Variants in EFR3A observed in about 807,000 individuals in gnomAD.
EFR3A encodes the protein EFR3 homolog A.
In EFR3A, 76 loss-of-function variants were observed where a neutral mutation model predicts 104.4. The observed-to-expected ratio is 0.73, with a 90% CI of 0.60 to 0.88. EFR3A has a LOEUF of 0.88. Among genes scored for constraint, EFR3A ranks in the 40% least tolerant of loss-of-function variants. The pLI is 0.00. For synonymous variants in EFR3A, 330 were observed against 330.0 expected, an observed-to-expected ratio of 1.00 and a Z score of 0.00; for missense variants, 985 against 1,012.5, an observed-to-expected ratio of 0.97 and a Z score of 0.37.
chr8:131,976,722 T>C (rs1765905617), intron 11 of EFR3A, among the ~76,000 whole-genome samples: 1 of 152,124 alleles, frequency 6.6e-6, no homozygotes, highest in Non-Finnish European at 1.5e-5. Context: ...ATCAACTATG[T>C]AGTAATTATT....
intron 21 of EFR3A, 108 bp downstream of exon 21, chr8:132,002,814 C>T (rs1018596115): frequency 2.3e-5 from 19 of 838,666 alleles, no homozygotes; most frequent in Non-Finnish European, 3.4e-5. Flanking sequence ...CAACGGAACA[C>T]AGGAAAATAT....
chr8:131,991,436 G>A (rs1238904114), intron 18 of EFR3A, among the ~76,000 whole-genome samples: 1 of 152,124 alleles, frequency 6.6e-6, no homozygotes, highest in Non-Finnish European at 1.5e-5. Context: ...GGTGGTAGAA[G>A]GATAGAGTTT....
chr8:131,948,678 C>G (rs1350077098), intron 4 of EFR3A, among the ~76,000 whole-genome samples: 1 of 152,028 alleles, frequency 6.6e-6, no homozygotes, highest in African/African-American at 2.4e-5. Context: ...CCCAGCAATG[C>G]CATTAGATTG....
At chr8:132,010,405 GAGATATATATATATATATATAT>G (rs1372610490) in intron 22 of EFR3A, among the ~76,000 whole-genome samples, 25 of 88,008 alleles carry the variant, frequency 2.8e-4, no homozygotes, top group East Asian at 9.5e-4. Flanking sequence ...AATCAAGTAT[GAGATATATATATATATATATAT>G]ATATATATAT....
In EFR3A at chr8:131,980,626, A is replaced by G. The variant is rs917800071; in HGVS notation, c.1575+1205A>G. 2.6e-5 allele frequency among the ~76,000 whole-genome samples: 4 copies of G among 152,220 alleles called. No individual in the cohort carries two copies. The South Asian group carries it at 8.3e-4, about 32-fold the overall frequency. On this transcript the variant is annotated intron_variant, in intron 14 of 22. Transcript: ENST00000254624. ...GAAAGTTTAAATCCAGCTAATTAACATATCCATTTTCTTGCTTACCTATCT... is the reference window on the plus strand; with the variant it reads ...GAAAGTTTAAATCCAGCTAATTAACGTATCCATTTTCTTGCTTACCTATCT...
chr8:131,963,034 A>G (rs1489221961), intron 8 of EFR3A, among the ~76,000 whole-genome samples: 1 of 152,258 alleles, frequency 6.6e-6, no homozygotes, highest in East Asian at 1.9e-4. Flanking sequence ...GAACAAAGAC[A>G]CAACATACCA....
At chr8:131,962,188 G>A (rs930845186) in intron 8 of EFR3A, among the ~76,000 whole-genome samples, 15 of 152,124 alleles carry the variant, frequency 9.9e-5, no homozygotes, top group African/African-American at 3.6e-4. Flanking sequence ...CATAATGACA[G>A]GATCAAATTC....
At chr8:131,980,680 C>T (rs1488068137) in intron 14 of EFR3A, among the ~76,000 whole-genome samples, 2 of 151,986 alleles carry the variant, frequency 1.3e-5, no homozygotes, top group African/African-American at 4.8e-5. Flanking sequence ...TTGAAATTTA[C>T]TCTCTTAGTT....
chr8:131,984,147 A>G lies in EFR3A; in HGVS notation c.1584A>G (p.Gln528=), dbSNP rs1279001550. The G allele has an allele frequency of 6.2e-7, 1 of 1,602,048 alleles. No individual in the cohort carries two copies. Residue 528 remains glutamine (Q), a synonymous_variant, in exon 15 of 23, where the codon CAA becomes CAG. Transcript: ENST00000254624. ...QDTSFMKKNG[Q]QLYRHIYLGC... is the part of the protein sequence containing the mutation. Reference sequence around the variant, plus strand: ...CTGTCTTTTCTCCTCAGAATGGGCAACAGCTGTATCGGCACATATATTTGG... The same window carrying G: ...CTGTCTTTTCTCCTCAGAATGGGCAGCAGCTGTATCGGCACATATATTTGG...
At position 132,003,285 on chromosome 8, in the gene EFR3A, G is replaced by C; in HGVS notation, c.2360G>C (p.Arg787Pro). ...RLAQILELTI[R>P]PPPSPSGTLT... ...GCCCAAATATTGGAACTCACCATAC[G>C]GTAAGGGTTTTGTTATCACAATAGC... Residue 787 changes from arginine (R) to proline (P), a missense_variant and splice_region_variant, in exon 22 of 23, where the codon CGT becomes CCT. Transcript: ENST00000254624. 6.2e-7 allele frequency: 1 copy of C among 1,611,192 alleles called. No individual in the cohort carries two copies. Among genetic ancestry groups the C allele is most frequent in the African/African-American group, 1.3e-5 (1 of 74,884 alleles).
At chr8:131,908,178 A>G (rs969150035) in intron 1 of EFR3A, among the ~76,000 whole-genome samples, 4 of 151,594 alleles carry the variant, frequency 2.6e-5, no homozygotes. Context: ...CTCCTGTCTC[A>G]GCCTCCCTAG....
intron 7 of EFR3A, among the ~76,000 whole-genome samples, chr8:131,956,457 G>A (rs1275443119): frequency 6.6e-6 from 1 of 152,102 alleles, no homozygotes; most frequent in Non-Finnish European, 1.5e-5. Flanking sequence ...ACATAGATAT[G>A]GTCTCTCAAG....
chr8:131,957,104 T>C (rs2130635027), intron 7 of EFR3A, among the ~76,000 whole-genome samples: 2 of 152,276 alleles, frequency 1.3e-5, no homozygotes, highest in East Asian at 3.9e-4. Flanking sequence ...ATTAGTTAAT[T>C]AATTAAATTA....
intron 22 of EFR3A, among the ~76,000 whole-genome samples, chr8:132,009,023 A>G (rs1351426358): frequency 2.0e-5 from 3 of 151,988 alleles, no homozygotes; most frequent in Admixed American, 6.6e-5. Flanking sequence ...ATTTAAGTGT[A>G]TTGTAAATAC....
chr8:131,913,829 C>T (rs1294925542), intron 1 of EFR3A, among the ~76,000 whole-genome samples: 3 of 152,150 alleles, frequency 2.0e-5, no homozygotes, highest in Non-Finnish European at 4.4e-5. Context: ...CCAAGGTTGG[C>T]GTTGTCATTT....
intron 1 of EFR3A, among the ~76,000 whole-genome samples, chr8:131,909,266 T>C (rs1232492795): frequency 2.0e-5 from 3 of 152,166 alleles, no homozygotes; most frequent in Admixed American, 2.0e-4. Flanking sequence ...AGTTTTATAA[T>C]TTGGCCAGGT....
chr8:131,931,512 A>G (rs4415291), intron 1 of EFR3A, among the ~76,000 whole-genome samples: 58,163 of 151,928 alleles, frequency 0.38, 11,524 homozygotes, highest in East Asian at 0.61. Flanking sequence ...TTTTAGTAAA[A>G]GAACTATATA....
chr8:131,964,098 A>G (rs1424614925), intron 8 of EFR3A, among the ~76,000 whole-genome samples: 2 of 152,214 alleles, frequency 1.3e-5, no homozygotes, highest in Non-Finnish European at 1.5e-5. Flanking sequence ...GTCTATGACA[A>G]ACCCACAGCC....
At chr8:131,952,454 T>G (rs1434315539) in intron 5 of EFR3A, among the ~76,000 whole-genome samples, 1 of 152,122 alleles carries the variant, frequency 6.6e-6, no homozygotes, top group African/African-American at 2.4e-5. Flanking sequence ...CCCTTTAACC[T>G]TGAGCAAGGG....
Sources: allele counts gnomAD v4.1 joint callset (sites outside exome capture counted in the v4.1 genomes callset), GRCh38; gene constraint gnomAD v4.1.1; transcripts MANE v1.5; gene names NCBI Gene and HGNC (gene_info 2026-07-23, HGNC 2026-07-21).